Variants in FYTTD1 observed in about 807,000 individuals in gnomAD.
The protein encoded by FYTTD1 is UAP56-interacting factor.
Under a neutral mutation model 40.9 loss-of-function variants are expected in FYTTD1, and 22 were observed. The observed-to-expected ratio is 0.54, with a 90% CI of 0.38 to 0.77. The LOEUF is 0.77. Among genes scored for constraint, FYTTD1 ranks in the 30% least tolerant of loss-of-function variants. The pLI is 0.00. For missense variants in FYTTD1, 351 were observed against 392.2 expected (o/e 0.90, Z 0.89); for synonymous variants, 140 against 137.9 (o/e 1.01, Z -0.10).
chr3:197,762,608 C>T (rs1200804280), intron 2 of FYTTD1, among the ~76,000 whole-genome samples: 4 of 148,468 alleles, frequency 2.7e-5, no homozygotes, highest in African/African-American at 7.5e-5. Flanking sequence ...AAAGGCCGGG[C>T]GCGGTGGCTC....
intron 2 of FYTTD1, among the ~76,000 whole-genome samples, chr3:197,761,087 G>T: frequency 6.6e-6 from 1 of 151,872 alleles, no homozygotes; most frequent in East Asian, 1.9e-4. Context: ...AGAATGTATA[G>T]AGTTGTTCTT....
intron 1 of FYTTD1, among the ~76,000 whole-genome samples, chr3:197,751,611 G>C (rs939528393): frequency 3.9e-5 from 6 of 152,082 alleles, no homozygotes; most frequent in Admixed American, 2.6e-4. Context: ...CAGCCTGGGC[G>C]GCAGAGCGAG....
rs368476639 is a variant in FYTTD1 at position 197,756,415 on chromosome 3, C to G, written c.104-11C>G. On this transcript the variant is annotated splice_polypyrimidine_tract_variant and intron_variant, in intron 1 of 8. Coordinates refer to ENST00000241502, the MANE Select transcript of FYTTD1 (RefSeq NM_032288.7). ...TTAAAATGAAAATAATTGACATTTC[C>G]TCTATCATAGATGATATCATCAAGT... The G allele has an allele frequency of 7.5e-6, 12 of 1,589,450 alleles. No homozygotes were observed. Among genetic ancestry groups the G allele is most frequent in the Non-Finnish European group, 1.0e-5 (12 of 1,159,334 alleles).
At chr3:197,763,512 C>T (rs746266209) in intron 2 of FYTTD1, 41 of 452,124 alleles carry the variant, frequency 9.1e-5, no homozygotes, top group Admixed American at 4.3e-4. Flanking sequence ...TGAAGAGGTT[C>T]GTGCTTGTAA....
intron 2 of FYTTD1, chr3:197,763,624 A>G (rs547542688): frequency 2.1e-5 from 8 of 374,030 alleles, no homozygotes; most frequent in South Asian, 5.9e-5. Context: ...AAAAAAAAAG[A>G]AAGAGTATAA....
At chr3:197,770,497 T>C (rs1221950731) in intron 4 of FYTTD1, among the ~76,000 whole-genome samples, 1 of 152,242 alleles carries the variant, frequency 6.6e-6, no homozygotes, top group Admixed American at 6.5e-5. Flanking sequence ...CTCTTTGACA[T>C]ATGGAATAAA....
intron 2 of FYTTD1, among the ~76,000 whole-genome samples, chr3:197,764,021 A>T (rs934057256): frequency 2.0e-5 from 3 of 152,180 alleles, no homozygotes; most frequent in African/African-American, 7.2e-5. Context: ...TTTAAGCTCC[A>T]TGGATGATTC....
At chr3:197,749,775 G>A (rs1292964960), upstream of FYTTD1, 3 of 558,286 alleles carry the variant, frequency 5.4e-6, no homozygotes, top group East Asian at 1.1e-4. Flanking sequence ...CGCTAGGAGC[G>A]AGTCACGGCG....
chr3:197,780,942 G>A (rs1416990101), intron 8 of FYTTD1, among the ~76,000 whole-genome samples: 1 of 152,008 alleles, frequency 6.6e-6, no homozygotes, highest in African/African-American at 2.4e-5. Flanking sequence ...TATCAAGAAT[G>A]GGTATTCAAT....
At chr3:197,758,886 A>G (rs1054036392) in intron 2 of FYTTD1, among the ~76,000 whole-genome samples, 1 of 152,252 alleles carries the variant, frequency 6.6e-6, no homozygotes, top group Non-Finnish European at 1.5e-5. Flanking sequence ...GATCCGCGGT[A>G]TGATTTCTGA....
At chr3:197,778,696 T>C (rs1178833708) in intron 8 of FYTTD1, among the ~76,000 whole-genome samples, 1 of 152,214 alleles carries the variant, frequency 6.6e-6, no homozygotes, top group Non-Finnish European at 1.5e-5. Context: ...GTTTTAAAGG[T>C]TCATCTATAT....
intron 2 of FYTTD1, among the ~76,000 whole-genome samples, chr3:197,762,971 TAACA>T (rs1560495116): frequency 1.3e-5 from 2 of 152,350 alleles, no homozygotes; most frequent in Non-Finnish European, 2.9e-5. Flanking sequence ...TTTACCTGTG[TAACA>T]AACCTGCACA....
intron 2 of FYTTD1, among the ~76,000 whole-genome samples, chr3:197,762,778 A>C (rs1729427083): frequency 6.6e-6 from 1 of 152,114 alleles, no homozygotes; most frequent in Admixed American, 6.6e-5. Context: ...GCTGCTCAGG[A>C]GGCTGAGGCA....
intron 1 of FYTTD1, among the ~76,000 whole-genome samples, chr3:197,753,809 G>GCC (rs1729135482): frequency 2.6e-5 from 4 of 152,062 alleles, no homozygotes; most frequent in Non-Finnish European, 5.9e-5. Flanking sequence ...AGGCTGGAGT[G>GCC]CAGTGGCACG....
intron 1 of FYTTD1, among the ~76,000 whole-genome samples, chr3:197,751,509 G>C (rs899680727): frequency 6.6e-6 from 1 of 152,112 alleles, no homozygotes; most frequent in Non-Finnish European, 1.5e-5. Context: ...AGCCGGGCGT[G>C]GTGGCCGCGC....
At chr3:197,765,003 C>T (rs1729501415) in intron 2 of FYTTD1, among the ~76,000 whole-genome samples, 1 of 151,750 alleles carries the variant, frequency 6.6e-6, no homozygotes, top group African/African-American at 2.4e-5. Context: ...GTGTGCACCA[C>T]CACGCCTGGT....
At chr3:197,779,529 C>CTTT (rs57263354) in intron 8 of FYTTD1, among the ~76,000 whole-genome samples, 24,679 of 118,286 alleles carry the variant, frequency 0.21, 4,516 homozygotes, top group South Asian at 0.36. Flanking sequence ...TTCCTTAGGA[C>CTTT]TTTTTTTTTT....
chr3:197,767,091 G>A (rs892240295), intron 2 of FYTTD1, among the ~76,000 whole-genome samples: 2 of 150,256 alleles, frequency 1.3e-5, no homozygotes, highest in African/African-American at 2.5e-5. Context: ...TTTTTTTAAC[G>A]GGCAGCCCCT....
intron 1 of FYTTD1, chr3:197,750,358 C>A: frequency 1.8e-6 from 2 of 1,123,574 alleles, no homozygotes. Context: ...TTCGCAGGGT[C>A]GCGGGGGGCG....
Sources: gnomAD v4.1 joint callset for allele counts (sites outside exome capture counted in the v4.1 genomes callset) on GRCh38, gnomAD v4.1.1 for gene constraint, MANE v1.5 for transcripts, NCBI Gene and HGNC (gene_info 2026-07-23, HGNC 2026-07-21) for gene names.